The following RELN variants were observed in gnomAD, a reference collection of about 807,000 sequenced individuals.
RELN encodes the protein reelin.
RELN carries 108 observed loss-of-function variants against 427.6 expected under a neutral mutation model. The ratio of observed to expected loss-of-function variants is 0.25; its 90% CI spans 0.22 to 0.30. The LOEUF is 0.30. Ranked by LOEUF, RELN falls within the 10% of genes least tolerant of loss-of-function variation. The probability of loss-of-function intolerance (pLI) is 1.00; values close to 1 mark genes in which losing one functional copy is unlikely to be tolerated. For missense variants in RELN, 3,715 were observed against 4,302.8 expected (o/e 0.86, Z 3.82); for synonymous variants, 1,524 against 1,513.4 (o/e 1.01, Z -0.16).
At chr7:103,578,130 G>A (rs138523772) in intron 28 of RELN, among the ~76,000 whole-genome samples, 41 of 152,302 alleles carry the variant, frequency 2.7e-4, no homozygotes, top group African/African-American at 9.6e-4. Flanking sequence ...ACCTGTCTCT[G>A]ATTCTTGGGC....
chr7:103,740,014 G>C (rs1335239127), intron 6 of RELN, among the ~76,000 whole-genome samples: 1 of 152,180 alleles, frequency 6.6e-6, no homozygotes, highest in Non-Finnish European at 1.5e-5. Context: ...GACTAGATGA[G>C]ATAATGGAAG....
intron 3 of RELN, among the ~76,000 whole-genome samples, chr7:103,818,927 A>C (rs1792949032): frequency 6.6e-6 from 1 of 152,110 alleles, no homozygotes; most frequent in African/African-American, 2.4e-5. Flanking sequence ...TTTTTTAAAA[A>C]AAGCTAGATT....
intron 3 of RELN, among the ~76,000 whole-genome samples, chr7:103,786,854 A>G (rs1272604630): frequency 6.6e-6 from 1 of 152,180 alleles, no homozygotes; most frequent in Non-Finnish European, 1.5e-5. Context: ...AAGCGGACCT[A>G]AAAGACATCT....
At chr7:103,891,663 C>A (rs1013072468) in intron 2 of RELN, among the ~76,000 whole-genome samples, 3 of 152,168 alleles carry the variant, frequency 2.0e-5, no homozygotes, top group African/African-American at 7.2e-5. Flanking sequence ...CAACTCCCCA[C>A]CATCCTGGAT....
intron 63 of RELN, among the ~76,000 whole-genome samples, chr7:103,480,657 A>C (rs1372288031): frequency 6.6e-6 from 1 of 152,224 alleles, no homozygotes. Context: ...GAAGGAAAAT[A>C]AATTCCTTTA....
chr7:103,600,202 T>A (rs1831632122), intron 24 of RELN, among the ~76,000 whole-genome samples: 1 of 152,172 alleles, frequency 6.6e-6, no homozygotes, highest in South Asian at 2.1e-4. Context: ...TGGGTGGAGA[T>A]AAGTTTTAGA....
intron 3 of RELN, among the ~76,000 whole-genome samples, chr7:103,802,318 C>T (rs1465345164): frequency 1.3e-5 from 2 of 152,030 alleles, no homozygotes; most frequent in Non-Finnish European, 2.9e-5. Context: ...TAAGACATGA[C>T]TAAATAAATC....
At chr7:103,644,438 C>A (rs1183689680) in intron 16 of RELN, among the ~76,000 whole-genome samples, 1 of 147,130 alleles carries the variant, frequency 6.8e-6, no homozygotes. Context: ...ACCCAAACCC[C>A]AAACAAAACT....
intron 3 of RELN, among the ~76,000 whole-genome samples, chr7:103,821,276 C>T (rs1211351836): frequency 6.6e-6 from 1 of 152,132 alleles, no homozygotes; most frequent in African/African-American, 2.4e-5. Flanking sequence ...CGGCAGGAAG[C>T]CTGTCTCTGG....
rs370065526 is a variant in RELN, at chr7:103,730,002, T to C, written c.657-1795A>G. On this transcript the variant is annotated intron_variant, in intron 6 of 64. Transcript: ENST00000428762. ...AAACTGATTGGGATTGTGATAAAAGTACAGTGAAGTAGCACAAAATTTATA... is the reference window on the plus strand; with the variant it reads ...AAACTGATTGGGATTGTGATAAAAGCACAGTGAAGTAGCACAAAATTTATA... 5.3e-5 allele frequency among the ~76,000 whole-genome samples: 8 copies of C among 152,200 alleles called. No homozygotes were observed. The South Asian group carries it at 1.2e-3, about 24-fold the overall frequency.
At chr7:103,798,151 C>G (rs113196405) in intron 3 of RELN, among the ~76,000 whole-genome samples, 1,903 of 152,278 alleles carry the variant, frequency 0.012, 38 homozygotes, top group African/African-American at 0.043. Flanking sequence ...CAAATAAATT[C>G]TGGAGCAGTT....
chr7:103,610,071 A>T (rs1475382706), intron 22 of RELN, among the ~76,000 whole-genome samples: 2 of 152,154 alleles, frequency 1.3e-5, no homozygotes, highest in African/African-American at 2.4e-5. Flanking sequence ...TTCATCCTGA[A>T]CCAGAAATCG....
chr7:103,632,191 C>T (rs754502652), intron 19 of RELN, among the ~76,000 whole-genome samples: 2 of 152,164 alleles, frequency 1.3e-5, no homozygotes, highest in Non-Finnish European at 2.9e-5. Flanking sequence ...CACTCTGACT[C>T]CTACTGGTTA....
At chr7:103,856,983 C>G (rs1029374824) in intron 2 of RELN, among the ~76,000 whole-genome samples, 2 of 152,072 alleles carry the variant, frequency 1.3e-5, no homozygotes, top group Non-Finnish European at 2.9e-5. Context: ...ATATAATGAT[C>G]ATTAAATTTG....
intron 3 of RELN, among the ~76,000 whole-genome samples, chr7:103,804,291 G>A (rs1307421552): frequency 6.6e-6 from 1 of 152,078 alleles, no homozygotes; most frequent in Non-Finnish European, 1.5e-5. Context: ...TGATAACAAA[G>A]CCAAAATATT....
Position 103,697,883 on chromosome 7 carries a change from G to A in RELN, c.1113C>T (p.Asn371=). ...EDSLDPVDTG[N]WLFFPGATVK... ...CTGTAGCTCCTGGGAAGAAAAGCCAGTTGCCTGTGTCCACTGGGTCGAGAC... is the reference window on the plus strand; with the variant it reads ...CTGTAGCTCCTGGGAAGAAAAGCCAATTGCCTGTGTCCACTGGGTCGAGAC... Residue 371 remains asparagine, a synonymous_variant, in exon 10 of 65, where the codon AAC becomes AAT. Transcript: ENST00000428762. 6.2e-7 allele frequency: 1 copy of A among 1,613,720 alleles called. No individual in the cohort carries two copies.
chr7:103,835,261 TA>T (rs1793371742), intron 2 of RELN, among the ~76,000 whole-genome samples: 1 of 152,150 alleles, frequency 6.6e-6, no homozygotes, highest in South Asian at 2.1e-4. Context: ...ATGGAGACAT[TA>T]AAAAGATCAG....
intron 2 of RELN, among the ~76,000 whole-genome samples, chr7:103,847,159 G>A (rs963419621): frequency 1.3e-5 from 2 of 152,126 alleles, no homozygotes; most frequent in African/African-American, 2.4e-5. Context: ...GCAAAGCCTC[G>A]GAACCAACCC....
At chr7:103,757,163 G>T (rs994009131) in intron 4 of RELN, among the ~76,000 whole-genome samples, 1 of 152,082 alleles carries the variant, frequency 6.6e-6, no homozygotes, top group Non-Finnish European at 1.5e-5. Flanking sequence ...GACTATGAGT[G>T]AATTATTAAG....
Sources: allele counts gnomAD v4.1 joint callset (sites outside exome capture counted in the v4.1 genomes callset), GRCh38; gene constraint gnomAD v4.1.1; transcripts MANE v1.5; gene names NCBI Gene and HGNC (gene_info 2026-07-23, HGNC 2026-07-21).